Variants in PPM1L observed in about 807,000 individuals in gnomAD.
PPM1L encodes the protein protein phosphatase 1L.
A neutral mutation model predicts 31.4 loss-of-function variants in PPM1L; 13 were observed. The ratio of observed to expected loss-of-function variants is 0.41; its 90% confidence interval spans 0.27 to 0.66. The LOEUF (loss-of-function observed/expected upper bound fraction) is 0.66, where lower values mean the gene tolerates loss of function less well. PPM1L is among the 30% of genes least tolerant of loss of function. PPM1L has a pLI of 0.29. For missense variants in PPM1L, 326 were observed against 453.7 expected (o/e 0.72, Z 2.56); for synonymous variants, 184 against 175.4 (o/e 1.05, Z -0.39).
At chr3:160,859,449 T>C (rs1711821847) in intron 1 of PPM1L, among the ~76,000 whole-genome samples, 1 of 152,232 alleles carries the variant, frequency 6.6e-6, no homozygotes, top group Non-Finnish European at 1.5e-5. Context: ...AATAACTGGA[T>C]ATTCTCAAGA....
chr3:160,814,967 A>G (rs1413851204), intron 1 of PPM1L, among the ~76,000 whole-genome samples: 1 of 152,134 alleles, frequency 6.6e-6, no homozygotes, highest in African/African-American at 2.4e-5. Flanking sequence ...ATGCAAAGGC[A>G]TAAGAATGAT....
chr3:160,831,462 T>C (rs944334395), intron 1 of PPM1L, among the ~76,000 whole-genome samples: 3 of 152,212 alleles, frequency 2.0e-5, no homozygotes, highest in Admixed American at 1.3e-4. Flanking sequence ...CAAAATTATA[T>C]AGTTAAGACA....
chr3:160,889,377 C>G (rs1297160081), intron 1 of PPM1L, among the ~76,000 whole-genome samples: 2 of 152,218 alleles, frequency 1.3e-5, no homozygotes, highest in Non-Finnish European at 2.9e-5. Context: ...AACACCTCTA[C>G]ACAAATAAAC....
At chr3:160,850,892 G>C (rs1379338279) in intron 1 of PPM1L, among the ~76,000 whole-genome samples, 1 of 149,530 alleles carries the variant, frequency 6.7e-6, no homozygotes, top group Admixed American at 6.7e-5. Flanking sequence ...GGTGGGGGGG[G>C]GGTCATTATT....
At chr3:160,945,001 CTA>C (rs1715339366) in intron 1 of PPM1L, among the ~76,000 whole-genome samples, 1 of 41,186 alleles carries the variant, frequency 2.4e-5, no homozygotes, top group African/African-American at 6.7e-5. Flanking sequence ...ATATATATAA[CTA>C]TATATAACAT....
At chr3:160,969,429 C>T (rs887234015) in intron 2 of PPM1L, among the ~76,000 whole-genome samples, 1 of 152,076 alleles carries the variant, frequency 6.6e-6, no homozygotes, top group Non-Finnish European at 1.5e-5. Flanking sequence ...AAAGAAAGGC[C>T]ATTTACTGTC....
intron 1 of PPM1L, among the ~76,000 whole-genome samples, chr3:160,872,852 C>T (rs1032637406): frequency 1.3e-5 from 2 of 151,914 alleles, no homozygotes; most frequent in African/African-American, 2.4e-5. Flanking sequence ...GCTTGAACCC[C>T]GGAGGCAGAG....
At chr3:160,838,808 A>G (rs79567533) in intron 1 of PPM1L, among the ~76,000 whole-genome samples, 4,854 of 152,190 alleles carry the variant, frequency 0.032, 243 homozygotes, top group African/African-American at 0.11. Flanking sequence ...TAAATTTTCT[A>G]TATTGGAGGG....
At chr3:160,911,417 C>T (rs552623443) in intron 1 of PPM1L, among the ~76,000 whole-genome samples, 1 of 152,316 alleles carries the variant, frequency 6.6e-6, no homozygotes, top group South Asian at 2.1e-4. Context: ...AGCAGACCTT[C>T]TTAGCAAATG....
At chr3:160,807,006 G>A (rs565531890) in intron 1 of PPM1L, among the ~76,000 whole-genome samples, 38 of 152,254 alleles carry the variant, frequency 2.5e-4, no homozygotes, top group Admixed American at 8.5e-4. Context: ...TCCAGGCCAC[G>A]TCTAGACCAG....
intron 1 of PPM1L, among the ~76,000 whole-genome samples, chr3:160,779,591 C>T (rs567140582): frequency 1.3e-5 from 2 of 152,088 alleles, no homozygotes; most frequent in East Asian, 1.9e-4. Context: ...GGCACCATCT[C>T]GGCCCACTGC....
intron 1 of PPM1L, among the ~76,000 whole-genome samples, chr3:160,775,796 A>G (rs968741385): frequency 2.6e-5 from 4 of 152,262 alleles, no homozygotes; most frequent in African/African-American, 7.2e-5. Flanking sequence ...CAAAAGTTCA[A>G]TCTATAGTTT....
intron 1 of PPM1L, among the ~76,000 whole-genome samples, chr3:160,780,164 A>G (rs1431491217): frequency 2.0e-5 from 3 of 152,164 alleles, no homozygotes; most frequent in Non-Finnish European, 4.4e-5. Context: ...CTGGGACCAT[A>G]GGCACATGCC....
chr3:160,901,944 C>T (rs1246242960), intron 1 of PPM1L, among the ~76,000 whole-genome samples: 1 of 151,986 alleles, frequency 6.6e-6, no homozygotes, highest in Admixed American at 6.6e-5. Context: ...CAAAAAAATC[C>T]TTTTAAATTT....
chr3:161,019,738 T>C (rs16831757), intron 2 of PPM1L, among the ~76,000 whole-genome samples: 33,486 of 152,104 alleles, frequency 0.22, 4,001 homozygotes, highest in South Asian at 0.3. Context: ...CTGCATGATA[T>C]ATGTCCACTA....
Position 160,814,607 on chromosome 3 carries a change from A to G in PPM1L, c.399+57900A>G, listed in dbSNP as rs528061483. Among the ~76,000 whole-genome samples, 280 of 148,564 alleles carry G rather than the reference A, an allele frequency of 1.9e-3. 3 individuals are homozygous for G. The highest frequency in any genetic ancestry group is 3.2e-3 in the South Asian group (15 of 4,748). ...TACACACACATATGTATGTATGTGTATATATATACACACACATATGTATGT... is the reference window on the plus strand; with the variant it reads ...TACACACACATATGTATGTATGTGTGTATATATACACACACATATGTATGT... On this transcript the variant is annotated intron_variant, in intron 1 of 3. Coordinates refer to ENST00000498165, the MANE Select transcript of PPM1L (RefSeq NM_139245.4).
chr3:160,815,599 A>C (rs1712969384), intron 1 of PPM1L, among the ~76,000 whole-genome samples: 1 of 152,194 alleles, frequency 6.6e-6, no homozygotes, highest in Admixed American at 6.5e-5. Context: ...ATTTCAAGGA[A>C]GGTTCAAATT....
intron 1 of PPM1L, among the ~76,000 whole-genome samples, chr3:160,772,687 T>G (rs76023513): frequency 0.058 from 8,889 of 152,300 alleles, 841 homozygotes; most frequent in African/African-American, 0.2. Flanking sequence ...AGTTTCTTGA[T>G]GCTTCTTGGT....
intron 2 of PPM1L, among the ~76,000 whole-genome samples, chr3:160,991,930 C>G (rs755179304): frequency 3.3e-5 from 5 of 152,178 alleles, no homozygotes; most frequent in Non-Finnish European, 7.3e-5. Flanking sequence ...TTGAGCACTT[C>G]TATGTGCTAG....
Sources: gnomAD v4.1 joint callset for allele counts (sites outside exome capture counted in the v4.1 genomes callset) on GRCh38, gnomAD v4.1.1 for gene constraint, MANE v1.5 for transcripts, NCBI Gene and HGNC (gene_info 2026-07-23, HGNC 2026-07-21) for gene names.